Variants in WWOX observed in about 807,000 individuals in gnomAD.
WWOX encodes WW domain containing oxidoreductase, also known as WW domain-containing oxidoreductase.
In WWOX, 69 loss-of-function variants were observed where a neutral mutation model predicts 46.2. The ratio of observed to expected loss-of-function variants is 1.49; its 90% CI spans 1.23 to 1.82. WWOX has a LOEUF of 1.82. WWOX is among the 40% of genes most tolerant of loss of function. The pLI is 0.00. For missense variants in WWOX, 919 were observed against 542.6 expected (o/e 1.69, Z -6.89); for synonymous variants, 359 against 202.6 (o/e 1.77, Z -6.56).
intron 5 of WWOX, among the ~76,000 whole-genome samples, chr16:78,299,236 G>A (rs993030450): frequency 1.3e-5 from 2 of 152,152 alleles, no homozygotes; most frequent in East Asian, 3.9e-4. Context: ...GCCGTAACAT[G>A]TCTGTGTCAC....
At chr16:78,751,461 T>TAATA in intron 8 of WWOX, among the ~76,000 whole-genome samples, 1 of 128,426 alleles carries the variant, frequency 7.8e-6, no homozygotes, top group Non-Finnish European at 1.6e-5. Context: ...TTATCAGATT[T>TAATA]TATATATATA....
intron 5 of WWOX, among the ~76,000 whole-genome samples, chr16:78,345,984 C>G (rs1452727860): frequency 8.3e-6 from 1 of 121,078 alleles, no homozygotes; most frequent in Non-Finnish European, 2.0e-5. Flanking sequence ...ACATTTACAT[C>G]ACCTCAAAAA....
At chr16:78,220,142 C>G (rs766027034) in intron 5 of WWOX, among the ~76,000 whole-genome samples, 1 of 152,130 alleles carries the variant, frequency 6.6e-6, no homozygotes, top group Non-Finnish European at 1.5e-5. Flanking sequence ...CCTCAAATTT[C>G]TTATCCAGTG....
At chr16:78,693,679 T>A (rs1368587731) in intron 8 of WWOX, among the ~76,000 whole-genome samples, 5 of 151,942 alleles carry the variant, frequency 3.3e-5, no homozygotes, top group Non-Finnish European at 7.4e-5. Flanking sequence ...TGGCATCGAG[T>A]GGATGGAGGG....
rs145371234 is a variant in WWOX, at chr16:78,903,460, T to C, written c.1057-308148T>C. Among the ~76,000 whole-genome samples, 163 of 152,318 alleles carry C rather than the reference T, an allele frequency of 1.1e-3. No individual in the cohort carries two copies. The East Asian group carries it at 0.02, about 19-fold the overall frequency. ...AAGTGAAGTTACAAAGTTACACTCC[T>C]ATGCAAACGTCTGATTGGTTGCAAA... On this transcript the variant is annotated intron_variant, in intron 8 of 8. Transcript: ENST00000566780.
chr16:79,064,670 G>A (rs997022483), intron 8 of WWOX, among the ~76,000 whole-genome samples: 4 of 152,202 alleles, frequency 2.6e-5, no homozygotes, highest in Non-Finnish European at 4.4e-5. Flanking sequence ...TTCCTGCAAG[G>A]ATTAAATGAG....
intron 8 of WWOX, among the ~76,000 whole-genome samples, chr16:78,582,771 A>G (rs558598304): frequency 1.3e-5 from 2 of 152,244 alleles, no homozygotes; most frequent in East Asian, 3.9e-4. Context: ...GCTCCCAGCT[A>G]CTTCCATCAG....
intron 8 of WWOX, among the ~76,000 whole-genome samples, chr16:78,603,667 C>T (rs191477814): frequency 6.6e-6 from 1 of 152,184 alleles, no homozygotes; most frequent in East Asian, 1.9e-4. Context: ...GCACTCCAAC[C>T]TGGGCAACAG....
chr16:78,833,060 A>G (rs1337825681), intron 8 of WWOX, among the ~76,000 whole-genome samples: 1 of 141,546 alleles, frequency 7.1e-6, no homozygotes, highest in Admixed American at 7.2e-5. Context: ...TTCCTTTCTT[A>G]AGAAAGGGTC....
intron 8 of WWOX, among the ~76,000 whole-genome samples, chr16:78,802,202 G>GT (rs60554747): frequency 0.011 from 1,102 of 96,756 alleles, 4 homozygotes; most frequent in East Asian, 0.023. Flanking sequence ...GTTTGTTTAG[G>GT]TTTTTTTTTT....
At chr16:78,507,203 G>T (rs551503656) in intron 8 of WWOX, among the ~76,000 whole-genome samples, 1 of 152,284 alleles carries the variant, frequency 6.6e-6, no homozygotes, top group African/African-American at 2.4e-5. Context: ...TGATTTCTGT[G>T]TGCTGACTAT....
intron 8 of WWOX, among the ~76,000 whole-genome samples, chr16:78,701,102 A>G (rs555220910): frequency 6.6e-6 from 1 of 152,264 alleles, no homozygotes; most frequent in East Asian, 1.9e-4. Context: ...AAGGTGGGCT[A>G]GTGATAGTTA....
chr16:78,786,556 G>A (rs940523060), intron 8 of WWOX, among the ~76,000 whole-genome samples: 1 of 152,090 alleles, frequency 6.6e-6, no homozygotes, highest in African/African-American at 2.4e-5. Flanking sequence ...TTATTGAGAT[G>A]TATTTCATAC....
At position 78,163,878 on chromosome 16, in the gene WWOX, A is replaced by G. The variant is rs77399019; in HGVS notation, c.410-305A>G. On this transcript the variant is annotated intron_variant, in intron 4 of 8. Transcript: ENST00000566780. ...TTGAAATCACTGCATCCCTAGGACA[A>G]GTTTTCTCACCATCACAGTGTTGAC... 0.012 allele frequency among the ~76,000 whole-genome samples: 1,804 copies of G among 152,238 alleles called. 29 individuals are homozygous for G. Among genetic ancestry groups the G allele is most frequent in the African/African-American group, 0.026 (1,071 of 41,540 alleles).
chr16:78,143,891 G>C (rs546495077), intron 4 of WWOX, among the ~76,000 whole-genome samples: 3 of 151,012 alleles, frequency 2.0e-5, no homozygotes, highest in African/African-American at 4.9e-5. Flanking sequence ...CTCACTTCAC[G>C]TTTCGGATCA....
chr16:79,146,266 C>G (rs1044252553), intron 8 of WWOX, among the ~76,000 whole-genome samples: 2 of 152,114 alleles, frequency 1.3e-5, no homozygotes, highest in East Asian at 1.9e-4. Flanking sequence ...CAATAGGTCC[C>G]TTTTTCTTGG....
At chr16:79,044,527 C>G (rs1024680809) in intron 8 of WWOX, among the ~76,000 whole-genome samples, 4 of 152,202 alleles carry the variant, frequency 2.6e-5, no homozygotes, top group African/African-American at 9.6e-5. Flanking sequence ...CATGACGTGC[C>G]TGCTCCGCCT....
intron 5 of WWOX, among the ~76,000 whole-genome samples, chr16:78,386,648 G>A (rs977426070): frequency 2.4e-4 from 3 of 12,442 alleles, no homozygotes; most frequent in African/African-American, 1.1e-3. Flanking sequence ...CCCCCAGCCT[G>A]TAGGTTTAGC....
chr16:78,474,648 A>G (rs542193816), intron 8 of WWOX, among the ~76,000 whole-genome samples: 2 of 151,520 alleles, frequency 1.3e-5, no homozygotes, highest in South Asian at 4.2e-4. Context: ...GGCTCAGTCT[A>G]TTCAGAGTTG....
Sources: gnomAD v4.1 joint callset for allele counts (sites outside exome capture counted in the v4.1 genomes callset) on GRCh38, gnomAD v4.1.1 for gene constraint, MANE v1.5 for transcripts, NCBI Gene and HGNC (gene_info 2026-07-23, HGNC 2026-07-21) for gene names.